The following IFT81 variants were observed in gnomAD, a reference collection of about 807,000 sequenced individuals.
The protein encoded by IFT81 is intraflagellar transport 81.
In IFT81, 72 loss-of-function variants were observed where a neutral mutation model predicts 102.6. That is an observed-to-expected ratio of 0.70 (90% CI 0.58 to 0.85). The LOEUF is 0.85. Among genes scored for constraint, IFT81 ranks in the 40% least tolerant of loss-of-function variants. The pLI is 0.00. For synonymous variants in IFT81, 237 were observed against 242.7 expected, an observed-to-expected ratio of 0.98 and a Z score of 0.22; for missense variants, 723 against 787.3, an observed-to-expected ratio of 0.92 and a Z score of 0.98.
At chr12:110,178,017 C>A (rs1424795535) in intron 11 of IFT81, among the ~76,000 whole-genome samples, 1 of 151,794 alleles carries the variant, frequency 6.6e-6, no homozygotes, top group Admixed American at 6.6e-5. Context: ...ATTGCTAGAA[C>A]CCTGGAGGCA....
At chr12:110,192,110 G>A (rs769632291) in intron 13 of IFT81, among the ~76,000 whole-genome samples, 2 of 151,422 alleles carry the variant, frequency 1.3e-5, no homozygotes, top group Non-Finnish European at 2.9e-5. Flanking sequence ...AGCAGAGGTT[G>A]CAGTGAGCTG....
intron 10 of IFT81, among the ~76,000 whole-genome samples, chr12:110,158,017 C>A (rs1376325259): frequency 6.6e-6 from 1 of 152,114 alleles, no homozygotes; most frequent in Non-Finnish European, 1.5e-5. Flanking sequence ...GCCATCAGGT[C>A]TCTTTCAGAG....
intron 12 of IFT81, among the ~76,000 whole-genome samples, chr12:110,181,551 G>A (rs191905265): frequency 6.6e-6 from 1 of 152,254 alleles, no homozygotes; most frequent in East Asian, 1.9e-4. Flanking sequence ...TTTGGTAATT[G>A]TTTCATGTGC....
chr12:110,173,274 C>T (rs1302612772), intron 11 of IFT81, among the ~76,000 whole-genome samples: 4 of 150,126 alleles, frequency 2.7e-5, no homozygotes, highest in Admixed American at 6.6e-5. Context: ...CGCCTCTGCC[C>T]GGCCGCCCCT....
In IFT81 at chr12:110,132,591, T is replaced by C; in HGVS notation, c.474T>C (p.Tyr158=). ...CCTTTAAAACTTTGCATAAAGAATA[T>C]GAGCAGCTCAAGATATCTGGATTTT... ...MEAFKTLHKE[Y]EQLKISGFST... Residue 158 remains tyrosine, a synonymous_variant, in exon 5 of 19, where the codon TAT becomes TAC. Coordinates refer to ENST00000242591, the MANE Select transcript of IFT81 (RefSeq NM_014055.4). The C allele has an allele frequency of 6.3e-7, 1 of 1,583,672 alleles. No homozygotes were observed. Among genetic ancestry groups the C allele is most frequent in the Non-Finnish European group, 8.6e-7 (1 of 1,157,064 alleles).
intron 11 of IFT81, among the ~76,000 whole-genome samples, chr12:110,175,047 A>C (rs1896980732): frequency 6.6e-6 from 1 of 152,252 alleles, no homozygotes; most frequent in African/African-American, 2.4e-5. Flanking sequence ...ACTAATTTAG[A>C]TTACAAATGT....
At chr12:110,129,197 G>GT in intron 4 of IFT81, 67 bp downstream of exon 4, 4 of 1,188,956 alleles carry the variant, frequency 3.4e-6, no homozygotes, top group Non-Finnish European at 4.7e-6. Flanking sequence ...TCAAATACAT[G>GT]TTACTCTTTT....
chr12:110,195,404 T>C (rs1224239881), intron 14 of IFT81, among the ~76,000 whole-genome samples: 1 of 152,220 alleles, frequency 6.6e-6, no homozygotes, highest in East Asian at 1.9e-4. Flanking sequence ...TAGATCGTAT[T>C]GTCTTAGTGT....
intron 17 of IFT81, among the ~76,000 whole-genome samples, chr12:110,206,705 TAG>T (rs1242394434): frequency 6.7e-6 from 1 of 148,330 alleles, no homozygotes; most frequent in African/African-American, 2.5e-5. Context: ...ATCTAAGAAA[TAG>T]AGTGTCTTGC....
At chr12:110,199,554 A>G (rs572025207) in intron 14 of IFT81, among the ~76,000 whole-genome samples, 91 of 152,334 alleles carry the variant, frequency 6.0e-4, no homozygotes, top group African/African-American at 2.1e-3. Context: ...GACCAAAAAA[A>G]GGATTTTATC....
At chr12:110,170,239 C>T (rs1037732070) in intron 11 of IFT81, among the ~76,000 whole-genome samples, 1 of 152,230 alleles carries the variant, frequency 6.6e-6, no homozygotes, top group Non-Finnish European at 1.5e-5. Context: ...AGGCGTAAGC[C>T]ACTGTGCCTG....
intron 17 of IFT81, among the ~76,000 whole-genome samples, chr12:110,206,157 C>T (rs1868591124): frequency 6.6e-6 from 1 of 152,176 alleles, no homozygotes; most frequent in Non-Finnish European, 1.5e-5. Flanking sequence ...CTCTAGTCAT[C>T]TGCCTGCTAA....
chr12:110,211,109 C>T (rs574489743), intron 18 of IFT81, among the ~76,000 whole-genome samples: 23 of 151,716 alleles, frequency 1.5e-4, no homozygotes, highest in Non-Finnish European at 2.9e-5. Context: ...GATCCTCCCA[C>T]CTTGGCCTCC....
chr12:110,127,353 T>G lies in IFT81; in HGVS notation c.-21-7T>G, dbSNP rs199962478. 48 of 1,472,168 alleles carry G rather than the reference T, an allele frequency of 3.3e-5. No homozygotes were observed. The highest frequency in any genetic ancestry group is 4.3e-5 in the Non-Finnish European group (48 of 1,115,158). 91.2% of individuals were successfully genotyped at this position (1,472,168 alleles called of 1,614,324 possible). A position where few individuals can be genotyped will look rare whatever the true frequency, so the allele number is the denominator to read the frequency against. On this transcript the variant is annotated splice_polypyrimidine_tract_variant and splice_region_variant and intron_variant, in intron 1 of 18. Transcript: ENST00000242591. ...TAAGGATTTTTTTTTCTATTTTTACTCTTTAGTTAAAATTATAAGACCTAA... is the reference window on the plus strand; with the variant it reads ...TAAGGATTTTTTTTTCTATTTTTACGCTTTAGTTAAAATTATAAGACCTAA...
intron 12 of IFT81, among the ~76,000 whole-genome samples, chr12:110,186,780 C>G (rs1476778926): frequency 6.6e-6 from 1 of 152,138 alleles, no homozygotes; most frequent in African/African-American, 2.4e-5. Context: ...ATCCACCTGC[C>G]TTGCCTCCCA....
chr12:110,180,553 A>G lies in IFT81; in HGVS notation c.1320A>G (p.Glu440=). The change falls in exon 12 of 19, where the codon GAA becomes GAG. Residue 440 remains glutamate (E), a synonymous_variant. Coordinates refer to ENST00000242591, the MANE Select transcript of IFT81 (RefSeq NM_014055.4). Reference sequence around the variant, plus strand: ...AAGAACTTCTTAAGCAACGTCATGAAAATATTCAACAACAACTGGTAATAC... The same window carrying G: ...AAGAACTTCTTAAGCAACGTCATGAGAATATTCAACAACAACTGGTAATAC... ...RTEELLKQRH[E]NIQQQLQTME... 1.9e-6 allele frequency: 3 copies of G among 1,605,072 alleles called. No homozygotes were observed. Among genetic ancestry groups the G allele is most frequent in the Non-Finnish European group, 2.6e-6 (3 of 1,173,598 alleles).
intron 5 of IFT81, among the ~76,000 whole-genome samples, chr12:110,133,741 G>A (rs1343657316): frequency 1.3e-5 from 2 of 152,144 alleles, no homozygotes; most frequent in African/African-American, 4.8e-5. Context: ...GTAGATAAAT[G>A]TTGTAATCCG....
intron 10 of IFT81, among the ~76,000 whole-genome samples, chr12:110,160,626 A>C (rs1030763885): frequency 1.3e-5 from 2 of 152,150 alleles, no homozygotes; most frequent in African/African-American, 2.4e-5. Context: ...CAATACCCTC[A>C]CAGACACACC....
intron 18 of IFT81, among the ~76,000 whole-genome samples, chr12:110,211,178 T>TC (rs1358577889): frequency 6.5e-5 from 9 of 139,008 alleles, no homozygotes; most frequent in African/African-American, 2.4e-4. Flanking sequence ...AGGCTTTCTT[T>TC]TTTTTTTTTT....
Sources: allele counts gnomAD v4.1 joint callset (sites outside exome capture counted in the v4.1 genomes callset), GRCh38; gene constraint gnomAD v4.1.1; transcripts MANE v1.5; gene names NCBI Gene and HGNC (gene_info 2026-07-23, HGNC 2026-07-21).